The following CELF2 variants were observed in gnomAD, a reference collection of about 807,000 sequenced individuals.
The protein encoded by CELF2 is CUG triplet repeat RNA-binding protein 2.
A neutral mutation model predicts 62.6 loss-of-function variants in CELF2; 8 were observed. The ratio of observed to expected loss-of-function variants is 0.13; its 90% confidence interval spans 0.07 to 0.23. The LOEUF (loss-of-function observed/expected upper bound fraction) is 0.23. CELF2 is among the 10% of genes least tolerant of loss of function. CELF2 has a pLI of 1.00. For missense variants in CELF2, 333 were observed against 671.0 expected (o/e 0.50, Z 5.56); for synonymous variants, 258 against 250.0 (o/e 1.03, Z -0.30).
rs2053673453 is a variant in CELF2, at chr10:10,993,820, G to A, written c.89+73821G>A. Among the ~76,000 whole-genome samples, 1 of 152,144 alleles carries A rather than the reference G, an allele frequency of 6.6e-6. No individual in the cohort carries two copies. The highest frequency in any genetic ancestry group is 2.1e-4 in the South Asian group (1 of 4,828). On this transcript the variant is annotated intron_variant, in intron 2 of 13. Coordinates refer to the CELF2 transcript ENST00000636488. The surrounding 1 kb of genome is among the most constrained non-coding windows in gnomAD (Gnocchi z 5.3). The stretch of plus-strand genomic sequence containing the variant: ...GTACCTGGGAATGTGATTGTATTTG[G>A]AGATAGAACCTTTAAGGAAGTAATT...
At chr10:11,320,588 A>T (rs1011308662) in intron 10 of CELF2, among the ~76,000 whole-genome samples, 2 of 130,238 alleles carry the variant, frequency 1.5e-5, no homozygotes, top group African/African-American at 5.0e-5. Context: ...AGTCCCTGAC[A>T]TCATCATTCA....
chr10:10,792,466 C>T, the CELF2 span: 1 of 398,212 alleles, frequency 2.5e-6, no homozygotes, highest in African/African-American at 2.1e-5. Flanking sequence ...GGCAACTTGG[C>T]AACTGTATTC....
At chr10:10,496,286 C>A in the CELF2 span, among the ~76,000 whole-genome samples, 329 of 152,310 alleles carry the variant, frequency 2.2e-3, 1 homozygote, top group African/African-American at 7.4e-3. Flanking sequence ...TATATCTAAG[C>A]CTTCTTTTAG....
At chr10:10,777,681 A>G in the CELF2 span, among the ~76,000 whole-genome samples, 1,122 of 152,278 alleles carry the variant, frequency 7.4e-3, 16 homozygotes, top group African/African-American at 0.025. Context: ...TGTTTCTACA[A>G]TGCAAATGAT....
the CELF2 span, among the ~76,000 whole-genome samples, chr10:10,575,040 C>A: frequency 6.6e-6 from 1 of 151,994 alleles, no homozygotes; most frequent in Non-Finnish European, 1.5e-5. Context: ...TAAATTCAAG[C>A]AAATGGCTTT....
At chr10:10,850,738 G>A (rs906406158) in intron 1 of CELF2, among the ~76,000 whole-genome samples, 1 of 152,006 alleles carries the variant, frequency 6.6e-6, no homozygotes, top group Admixed American at 6.6e-5. Flanking sequence ...AACCTAATGG[G>A]GTGCACAATA....
At chr10:11,248,922 G>T (rs1031636361) in intron 3 of CELF2, among the ~76,000 whole-genome samples, 2 of 152,220 alleles carry the variant, frequency 1.3e-5, no homozygotes, top group African/African-American at 4.8e-5. Context: ...TGACTGCAGA[G>T]CCCAAGCTTT....
the CELF2 span, among the ~76,000 whole-genome samples, chr10:10,670,836 C>T: frequency 3.9e-5 from 6 of 151,978 alleles, no homozygotes; most frequent in African/African-American, 1.5e-4. Flanking sequence ...GTTGAAATCA[C>T]AGTCTGTAGC....
chr10:10,600,003 T>A, the CELF2 span, among the ~76,000 whole-genome samples: 1 of 152,156 alleles, frequency 6.6e-6, no homozygotes, highest in Non-Finnish European at 1.5e-5. Context: ...AGTGCTGGGA[T>A]TACAGACGTG....
chr10:11,264,880 A>G (rs1016110977), intron 5 of CELF2, among the ~76,000 whole-genome samples: 1 of 152,258 alleles, frequency 6.6e-6, no homozygotes, highest in Non-Finnish European at 1.5e-5. Context: ...ATTCACCGTG[A>G]GCTGAACTTC....
chr10:10,574,998 G>A, the CELF2 span, among the ~76,000 whole-genome samples: 2 of 151,746 alleles, frequency 1.3e-5, no homozygotes, highest in African/African-American at 2.4e-5. Flanking sequence ...CATTACAGGC[G>A]TGAGCCACCG....
chr10:11,101,997 T>G (rs1268790887), intron 1 of CELF2: 1 of 152,182 alleles, frequency 6.6e-6, no homozygotes, highest in Non-Finnish European at 1.5e-5. Context: ...TTTAAGGGTG[T>G]TTTTTTCTTT....
chr10:11,019,599 AAG>A (rs1336671249), intron 1 of CELF2, among the ~76,000 whole-genome samples: 6 of 151,954 alleles, frequency 3.9e-5, no homozygotes, highest in Non-Finnish European at 7.4e-5. Flanking sequence ...CACCAAAAAA[AAG>A]GAGGGGGGTG....
At chr10:10,935,451 G>C (rs1460397324) in intron 2 of CELF2, 2 of 152,196 alleles carry the variant, frequency 1.3e-5, no homozygotes, top group Non-Finnish European at 2.9e-5. Context: ...ACAGTGCTTT[G>C]AGAGAAACTT....
At chr10:10,756,213 G>T in the CELF2 span, among the ~76,000 whole-genome samples, 2 of 152,018 alleles carry the variant, frequency 1.3e-5, no homozygotes, top group African/African-American at 4.8e-5. Flanking sequence ...TTTTCCTTTG[G>T]CAGATGACTA....
chr10:10,600,674 G>A, the CELF2 span, among the ~76,000 whole-genome samples: 1 of 152,174 alleles, frequency 6.6e-6, no homozygotes, highest in Non-Finnish European at 1.5e-5. Context: ...AAAGCAGGGA[G>A]TGGGGAGGAC....
intron 2 of CELF2, among the ~76,000 whole-genome samples, chr10:10,961,072 C>T (rs941801877): frequency 3.9e-5 from 6 of 152,128 alleles, no homozygotes; most frequent in African/African-American, 1.4e-4. Flanking sequence ...CCAATACGGA[C>T]TTCTTACAAG....
chr10:10,605,896 T>C, the CELF2 span, among the ~76,000 whole-genome samples: 4 of 152,286 alleles, frequency 2.6e-5, no homozygotes, highest in East Asian at 7.7e-4. Context: ...GCCTAGGAAA[T>C]TGCTGGTCTG....
chr10:10,468,095 A>G, the CELF2 span, among the ~76,000 whole-genome samples: 1 of 152,100 alleles, frequency 6.6e-6, no homozygotes, highest in Non-Finnish European at 1.5e-5. Flanking sequence ...CAGGAATGCA[A>G]GGCAGATGCC....
Sources: allele counts gnomAD v4.1 joint callset (sites outside exome capture counted in the v4.1 genomes callset), GRCh38; gene constraint gnomAD v4.1.1; non-coding constraint Gnocchi (gnomAD v3.1); transcripts MANE v1.5; gene names NCBI Gene and HGNC (gene_info 2026-07-23, HGNC 2026-07-21).